DNAH10: variants seen among roughly 807,000 people sequenced by gnomAD.
The protein encoded by DNAH10 is axonemal beta dynein heavy chain 10.
A neutral mutation model predicts 506.6 loss-of-function variants in DNAH10; 348 were observed. That is an observed-to-expected ratio of 0.69 (90% CI 0.63 to 0.75). The LOEUF is 0.75. Among genes scored for constraint, DNAH10 ranks in the 30% least tolerant of loss-of-function variants. The pLI is 0.00. For synonymous variants in DNAH10, 2,059 were observed against 2,198.6 expected (o/e 0.94, Z 1.78); for missense variants, 5,179 against 5,787.1 (o/e 0.89, Z 3.41).
At chr12:123,922,266 G>A (rs559827175) in intron 65 of DNAH10, among the ~76,000 whole-genome samples, 6 of 136,130 alleles carry the variant, frequency 4.4e-5, no homozygotes, top group East Asian at 4.0e-4. Context: ...CCAGCTACTG[G>A]GGGGGAGGCT....
chr12:123,887,042 C>A, intron 51 of DNAH10, 100 bp from the exon 52 acceptor site: 1 of 1,417,894 alleles, frequency 7.1e-7, no homozygotes, highest in Non-Finnish European at 9.4e-7. Context: ...TTGGACAGAC[C>A]CACGCCCTCT....
chr12:123,872,414 G>C (rs1222021234), intron 45 of DNAH10, among the ~76,000 whole-genome samples: 1 of 152,114 alleles, frequency 6.6e-6, no homozygotes, highest in African/African-American at 2.4e-5. Context: ...CCGCATTTGG[G>C]AGCCTCCTTC....
chr12:123,817,867 T>G (rs1370150160), intron 21 of DNAH10, among the ~76,000 whole-genome samples: 1 of 152,188 alleles, frequency 6.6e-6, no homozygotes, highest in Non-Finnish European at 1.5e-5. Flanking sequence ...AAACTTATTC[T>G]AATCAGAGAT....
At position 123,833,196 on chromosome 12, in the gene DNAH10, A is replaced by G. The variant is rs2136525338; in HGVS notation, c.4628A>G (p.Tyr1543Cys). 3 of 1,613,942 alleles carry G rather than the reference A, an allele frequency of 1.9e-6. No individual in the cohort carries two copies. Among genetic ancestry groups the G allele is most frequent in the Non-Finnish European group, 2.5e-6 (3 of 1,179,868 alleles). Residue 1543 changes from tyrosine (Y) to cysteine (C), a missense_variant, in exon 27 of 79, where the codon TAC becomes TGC. Transcript: ENST00000673944. The stretch of plus-strand genomic sequence containing the variant: ...TGCAAAGGCACACAGGAGCGAGGCT[A>G]CATCCTGGGTTCTGTTGACGAAATT... ...KYCKGTQERGYILGSVDEIIQ... is the reference protein window; with the variant it reads ...KYCKGTQERGCILGSVDEIIQ...
chr12:123,898,846 CCCAACACCCAA>C, intron 56 of DNAH10, 32 bp downstream of exon 56: 1 of 1,574,400 alleles, frequency 6.4e-7, no homozygotes, highest in South Asian at 1.2e-5. Flanking sequence ...GCAGCCCATC[CCCAACACCCAA>C]TACCCACCGT....
Position 123,794,864 on chromosome 12 carries a change from CT to C in DNAH10, c.1986+753del, listed in dbSNP as rs1268232836. Among the ~76,000 whole-genome samples, 24 of 143,716 alleles carry C rather than the reference CT, an allele frequency of 1.7e-4. No homozygotes were observed. The Admixed American group carries it at 1.7e-3, about 10-fold the overall frequency. 94.3% of individuals were successfully genotyped at this position (143,716 alleles called of 152,430 possible). A position where few individuals can be genotyped will look rare whatever the true frequency, so the allele number is the denominator to read the frequency against. ...CCTGTCTAAAAAAAAAAAAAAAATG[CT>C]GGCCAGTCGCTGTGACTCATGCCTG... On this transcript the variant is annotated intron_variant, in intron 12 of 78. Coordinates refer to ENST00000673944, the MANE Select transcript of DNAH10 (RefSeq NM_001372106.1).
intron 26 of DNAH10, among the ~76,000 whole-genome samples, chr12:123,832,849 G>C (rs1458672646): frequency 6.6e-6 from 1 of 152,094 alleles, no homozygotes; most frequent in Admixed American, 6.5e-5. Context: ...GTAAAATGTG[G>C]GTGATAATAA....
Position 123,845,999 on chromosome 12 carries a change from G to A in DNAH10, c.5659G>A (p.Glu1887Lys). The A allele has an allele frequency of 6.2e-7, 1 of 1,614,008 alleles. No individual in the cohort carries two copies. The highest frequency in any genetic ancestry group is 8.5e-7 in the Non-Finnish European group (1 of 1,179,900). The change falls in exon 32 of 79, where the codon GAA becomes AAA. Residue 1887 changes from glutamate (E) to lysine (K), a missense_variant. By Grantham distance (56) the Glu-to-Lys change is moderately conservative. Transcript: ENST00000673944. ...CCTGGAGGCCCGAGAGTTTGACTGG[G>A]AAAGTCAGTTGCGGTTTTATTGGGA... ...SILEAREFDW[E>K]SQLRFYWDRE... is the part of the protein sequence containing the mutation.
At chr12:123,765,564 T>TTATCTATC (rs142140309) in intron 1 of DNAH10, among the ~76,000 whole-genome samples, 36,587 of 149,196 alleles carry the variant, frequency 0.25, 4,667 homozygotes, top group East Asian at 0.41. Context: ...TATCTATACT[T>TTATCTATC]TATCTATCTA....
rs1282313402 is a variant in DNAH10 at position 123,893,453 on chromosome 12, C to T, written c.9199+17C>T. On this transcript the variant is annotated intron_variant, in intron 53 of 78. Transcript: ENST00000673944. ...ACTTCCCAGGTACCCGCGGTGGAGCCTGTGAACCCATTTCCCCTGCTTTGG... is the reference window on the plus strand; with the variant it reads ...ACTTCCCAGGTACCCGCGGTGGAGCTTGTGAACCCATTTCCCCTGCTTTGG... 3 of 1,611,672 alleles carry T rather than the reference C, an allele frequency of 1.9e-6. No homozygotes were observed. Among genetic ancestry groups the T allele is most frequent in the Non-Finnish European group, 2.5e-6 (3 of 1,179,788 alleles).
intron 13 of DNAH10, among the ~76,000 whole-genome samples, chr12:123,797,811 G>A (rs1237380950): frequency 6.6e-6 from 1 of 152,132 alleles, no homozygotes; most frequent in Non-Finnish European, 1.5e-5. Context: ...CCATCTTTTC[G>A]ATATGATCTC....
intron 51 of DNAH10, among the ~76,000 whole-genome samples, chr12:123,886,554 G>C (rs1343458660): frequency 6.6e-6 from 1 of 152,066 alleles, no homozygotes; most frequent in African/African-American, 2.4e-5. Context: ...TGAGTGTGTG[G>C]CTGAGTGTGA....
intron 56 of DNAH10, among the ~76,000 whole-genome samples, chr12:123,900,123 T>C (rs974642560): frequency 5.3e-5 from 8 of 152,244 alleles, no homozygotes; most frequent in Non-Finnish European, 1.0e-4. Flanking sequence ...GCTAAGAATA[T>C]CCGTACCACT....
chr12:123,806,674 C>A (rs1958684745), intron 18 of DNAH10, among the ~76,000 whole-genome samples: 1 of 152,040 alleles, frequency 6.6e-6, no homozygotes, highest in African/African-American at 2.4e-5. Flanking sequence ...CTGTGTATTT[C>A]ATTTATTCTC....
chr12:123,868,668 C>T (rs1385859669), intron 43 of DNAH10, among the ~76,000 whole-genome samples: 1 of 152,218 alleles, frequency 6.6e-6, no homozygotes, highest in Non-Finnish European at 1.5e-5. Context: ...GGTCTATATG[C>T]AATGGTAGGA....
rs141777284 is a variant in DNAH10, at chr12:123,768,166, C to T, written c.298+477C>T. 7.2e-4 allele frequency among the ~76,000 whole-genome samples: 109 copies of T among 152,056 alleles called. No homozygotes were observed. In the East Asian group the frequency reaches 0.019, roughly 27 times the overall value. On this transcript the variant is annotated intron_variant, in intron 2 of 78. Coordinates refer to ENST00000673944, the MANE Select transcript of DNAH10 (RefSeq NM_001372106.1). ...CCTTTTTTTTTGAGACAGGGTCTCG[C>T]TCTTGTCACCCAAGCTGGAGTGTAA...
At chr12:123,841,024 T>G (rs994087088) in intron 29 of DNAH10, among the ~76,000 whole-genome samples, 2 of 152,236 alleles carry the variant, frequency 1.3e-5, no homozygotes, top group African/African-American at 4.8e-5. Flanking sequence ...CACGTTCCAC[T>G]GGCTCCTATG....
At chr12:123,768,570 G>GT (rs1957135618) in intron 2 of DNAH10, among the ~76,000 whole-genome samples, 1 of 152,200 alleles carries the variant, frequency 6.6e-6, no homozygotes, top group South Asian at 2.1e-4. Context: ...GACATGCATT[G>GT]TGGGGGACAC....
chr12:123,877,935 A>G (rs762599917), intron 48 of DNAH10, 27 bp downstream of exon 48: 2 of 1,609,944 alleles, frequency 1.2e-6, no homozygotes, highest in African/African-American at 1.3e-5. Flanking sequence ...TTACTAAAAT[A>G]TGCCCCACAG....
Sources: gnomAD v4.1 joint callset for allele counts (sites outside exome capture counted in the v4.1 genomes callset) on GRCh38, gnomAD v4.1.1 for gene constraint, MANE v1.5 for transcripts, NCBI Gene and HGNC (gene_info 2026-07-23, HGNC 2026-07-21) for gene names.